The following LRP1B variants were observed in gnomAD, a reference collection of about 807,000 sequenced individuals.
The protein encoded by LRP1B is LDL receptor related protein 1B, also known as low-density lipoprotein receptor-related protein 1B.
A neutral mutation model predicts 556.6 loss-of-function variants in LRP1B; 217 were observed. The observed-to-expected ratio is 0.39, with a 90% CI of 0.35 to 0.44. The LOEUF (loss-of-function observed/expected upper bound fraction) is 0.44. Ranked by LOEUF, LRP1B falls within the 20% of genes least tolerant of loss-of-function variation. The pLI, the probability that LRP1B is intolerant of heterozygous loss-of-function variation, is 1.00. For missense variants in LRP1B, 5,053 were observed against 5,620.8 expected (o/e 0.90, Z 3.23); for synonymous variants, 2,047 against 1,865.8 (o/e 1.10, Z -2.50).
rs1287222319 is a variant in LRP1B at position 140,380,427 on chromosome 2, A to G, written c.10532-2141T>C. On this transcript the variant is annotated intron_variant, in intron 67 of 90. Transcript: ENST00000389484. ...AACAAGAAGAAACTCATTTGCTGTT[A>G]TCACCATTCCATACTGAAGCCATTT... is the stretch of plus-strand genomic sequence containing the variant. Among the ~76,000 whole-genome samples the G allele has an allele frequency of 2.6e-5, 4 of 152,222 alleles. 1 individual carries two copies. The highest frequency in any genetic ancestry group is 2.6e-4 in the Admixed American group (4 of 15,278).
chr2:141,469,303 C>T (rs1471521475), intron 3 of LRP1B, among the ~76,000 whole-genome samples: 1 of 152,140 alleles, frequency 6.6e-6, no homozygotes, highest in Non-Finnish European at 1.5e-5. Flanking sequence ...TCAGAAGTAA[C>T]CAGTCTCATA....
At chr2:140,552,461 C>T (rs962976967) in intron 43 of LRP1B, among the ~76,000 whole-genome samples, 4 of 152,098 alleles carry the variant, frequency 2.6e-5, no homozygotes, top group African/African-American at 4.8e-5. Flanking sequence ...TAATTATGCA[C>T]GTTGCCTTTG....
At chr2:141,059,097 G>T in intron 8 of LRP1B, 43 bp from the exon 9 acceptor site, 8 of 1,258,490 alleles carry the variant, frequency 6.4e-6, no homozygotes, top group South Asian at 2.0e-5. Flanking sequence ...TAATTATGTA[G>T]CTTGCAATTT....
At chr2:141,929,056 G>A (rs961161085) in intron 1 of LRP1B, among the ~76,000 whole-genome samples, 3 of 152,080 alleles carry the variant, frequency 2.0e-5, no homozygotes, top group African/African-American at 7.2e-5. Context: ...CCTGACCTAG[G>A]TGTCTGGCAA....
rs1201253650 is a variant in LRP1B, at chr2:141,563,582, T to C, written c.206-83049A>G. On this transcript the variant is annotated intron_variant, in intron 2 of 90. Transcript: ENST00000389484. Reference sequence around the variant, plus strand: ...TGCAAAAGATTCAAGGAGTAAGAAGTTTGAGAGAAGTTGTAAAACTATGTA... The same window carrying C: ...TGCAAAAGATTCAAGGAGTAAGAAGCTTGAGAGAAGTTGTAAAACTATGTA... Among the ~76,000 whole-genome samples, 9 of 151,776 alleles carry C rather than the reference T, an allele frequency of 5.9e-5. No individual in the cohort carries two copies. In the East Asian group the frequency reaches 1.2e-3, roughly 20 times the overall value.
chr2:141,592,571 A>T (rs1687378714), intron 2 of LRP1B, among the ~76,000 whole-genome samples: 1 of 152,188 alleles, frequency 6.6e-6, no homozygotes. Flanking sequence ...GAAAATAGCC[A>T]GACTCTCATT....
chr2:140,584,074 T>G (rs1681887117), intron 43 of LRP1B, among the ~76,000 whole-genome samples: 1 of 152,110 alleles, frequency 6.6e-6, no homozygotes, highest in Non-Finnish European at 1.5e-5. Context: ...TCATTTTAAA[T>G]GTTCTCAGAG....
At chr2:142,059,857 AC>A (rs1704837469) in intron 1 of LRP1B, among the ~76,000 whole-genome samples, 1 of 152,090 alleles carries the variant, frequency 6.6e-6, no homozygotes. Context: ...GGATAATTTT[AC>A]CTTTTTCTTG....
intron 2 of LRP1B, among the ~76,000 whole-genome samples, chr2:141,633,908 G>T (rs1279779141): frequency 6.6e-5 from 10 of 151,966 alleles, no homozygotes. Context: ...TAAAATTCTT[G>T]TTATGTTCCA....
rs572247351 is a variant in LRP1B, at chr2:141,104,145, C to G, written c.1014-41872G>C. 1.6e-3 allele frequency among the ~76,000 whole-genome samples: 246 copies of G among 152,038 alleles called. 1 individual carries two copies. The highest frequency in any genetic ancestry group is 5.6e-3 in the African/African-American group (234 of 41,508). The stretch of plus-strand genomic sequence containing the variant: ...AAAAATAACATAGCATGCTGATATC[C>G]ATGTGTGCTAAATGTTTAGCTCCCA... On this transcript the variant is annotated intron_variant, in intron 7 of 90. Coordinates refer to ENST00000389484, the MANE Select transcript of LRP1B (RefSeq NM_018557.3).
intron 11 of LRP1B, among the ~76,000 whole-genome samples, chr2:141,028,114 A>T (rs911250836): frequency 2.0e-5 from 3 of 152,106 alleles, no homozygotes; most frequent in Admixed American, 6.6e-5. Flanking sequence ...ATTTATTTTT[A>T]AAAATATAAT....
intron 3 of LRP1B, among the ~76,000 whole-genome samples, chr2:141,428,772 A>G (rs190807886): frequency 1.6e-4 from 24 of 152,304 alleles, no homozygotes; most frequent in Non-Finnish European, 2.8e-4. Context: ...AGTATCTTGT[A>G]TATTACATCT....
chr2:140,343,035 A>G (rs1217558738), intron 77 of LRP1B, among the ~76,000 whole-genome samples: 1 of 151,492 alleles, frequency 6.6e-6, no homozygotes, highest in Non-Finnish European at 1.5e-5. Flanking sequence ...TATATCTTAC[A>G]AAAGCTCAGT....
At chr2:141,359,107 G>T in intron 3 of LRP1B, among the ~76,000 whole-genome samples, 1 of 151,956 alleles carries the variant, frequency 6.6e-6, no homozygotes, top group Non-Finnish European at 1.5e-5. Flanking sequence ...TATGTACCAT[G>T]TGATTAAAAT....
At chr2:141,821,715 T>A (rs1696758729) in intron 1 of LRP1B, among the ~76,000 whole-genome samples, 1 of 152,186 alleles carries the variant, frequency 6.6e-6, no homozygotes, top group Non-Finnish European at 1.5e-5. Context: ...TTATGCTTTC[T>A]ATTGGATGCT....
chr2:141,914,725 C>T (rs942512097), intron 1 of LRP1B, among the ~76,000 whole-genome samples: 17 of 151,968 alleles, frequency 1.1e-4, no homozygotes, highest in Non-Finnish European at 1.5e-5. Context: ...AAACCGAGAG[C>T]CAAATCTGGT....
At chr2:141,869,551 T>C (rs970410436) in intron 1 of LRP1B, among the ~76,000 whole-genome samples, 1 of 152,110 alleles carries the variant, frequency 6.6e-6, no homozygotes, top group Non-Finnish European at 1.5e-5. Flanking sequence ...GATATGTACC[T>C]TACCATAAAA....
intron 3 of LRP1B, among the ~76,000 whole-genome samples, chr2:141,463,261 T>C (rs143875241): frequency 2.6e-5 from 4 of 152,222 alleles, no homozygotes; most frequent in Middle Eastern, 3.4e-3. Flanking sequence ...AGAATGATTA[T>C]ATATTCCATC....
At chr2:141,737,408 T>C (rs1338899464) in intron 2 of LRP1B, among the ~76,000 whole-genome samples, 1 of 152,120 alleles carries the variant, frequency 6.6e-6, no homozygotes, top group Non-Finnish European at 1.5e-5. Flanking sequence ...AGTGCTGACT[T>C]ACAAAAGACT....
Sources: gnomAD v4.1 joint callset for allele counts (sites outside exome capture counted in the v4.1 genomes callset) on GRCh38, gnomAD v4.1.1 for gene constraint, MANE v1.5 for transcripts, NCBI Gene and HGNC (gene_info 2026-07-23, HGNC 2026-07-21) for gene names.